The following ARHGEF28 variants were observed in gnomAD, a reference collection of about 807,000 sequenced individuals.
ARHGEF28 encodes 190 kDa guanine nucleotide exchange factor.
ARHGEF28 carries 152 observed loss-of-function variants against 206.6 expected under a neutral mutation model. The observed-to-expected ratio is 0.74, with a 90% CI of 0.64 to 0.84. The LOEUF (loss-of-function observed/expected upper bound fraction) is 0.84. Among genes scored for constraint, ARHGEF28 ranks in the 40% least tolerant of loss-of-function variants. The pLI is 0.00. For missense variants in ARHGEF28, 2,028 were observed against 2,073.2 expected, an observed-to-expected ratio of 0.98 and a Z score of 0.42; for synonymous variants, 763 against 776.4, an observed-to-expected ratio of 0.98 and a Z score of 0.29.
intron 3 of ARHGEF28, among the ~76,000 whole-genome samples, chr5:73,751,792 G>T (rs1479954890): frequency 6.6e-6 from 1 of 152,020 alleles, no homozygotes; most frequent in African/African-American, 2.4e-5. Context: ...AATTTCCCTG[G>T]TGACAGCTTT....
At chr5:73,780,566 C>A in intron 6 of ARHGEF28, 110 bp from the exon 7 acceptor site, 2 of 1,150,096 alleles carry the variant, frequency 1.7e-6, no homozygotes, top group Non-Finnish European at 2.4e-6. Context: ...TATTTCCCAA[C>A]CTCCTAGCTC....
intron 1 of ARHGEF28, among the ~76,000 whole-genome samples, chr5:73,668,752 A>T (rs1273645094): frequency 1.5e-5 from 1 of 66,306 alleles, no homozygotes; most frequent in Non-Finnish European, 3.2e-5. Flanking sequence ...ACTTCTGAGT[A>T]CTCTTACTTG....
chr5:73,735,522 A>G (rs1750867432), intron 2 of ARHGEF28, among the ~76,000 whole-genome samples: 4 of 152,238 alleles, frequency 2.6e-5, no homozygotes, highest in Non-Finnish European at 1.5e-5. Flanking sequence ...AGCCAGACCC[A>G]TGTTTTTCTA....
At chr5:73,889,496 C>T (rs552225005) in intron 26 of ARHGEF28, among the ~76,000 whole-genome samples, 1 of 152,342 alleles carries the variant, frequency 6.6e-6, no homozygotes, top group South Asian at 2.1e-4. Flanking sequence ...ATCTCTTGAA[C>T]ATCAAAGAAG....
In ARHGEF28 at chr5:73,828,819, T is replaced by A. The variant is rs538614818; in HGVS notation, c.1025-3519T>A. ...TTCCTTCCTTTCCTTCTTTTCCTTT[T>A]TCCTTTTTCTTCTTTGAGACAGGGT... On this transcript the variant is annotated intron_variant, in intron 9 of 35. Coordinates refer to ENST00000513042, the MANE Select transcript of ARHGEF28 (RefSeq NM_001177693.2). Among the ~76,000 whole-genome samples the A allele has an allele frequency of 3.3e-5, 5 of 152,142 alleles. No homozygotes were observed. The East Asian group carries it at 9.7e-4, about 29-fold the overall frequency.
At chr5:73,839,945 T>TAAA (rs1757882652) in intron 10 of ARHGEF28, among the ~76,000 whole-genome samples, 3 of 152,200 alleles carry the variant, frequency 2.0e-5, no homozygotes, top group Admixed American at 6.5e-5. Context: ...TTTAGTTTTC[T>TAAA]CCTCAAGTAT....
intron 2 of ARHGEF28, among the ~76,000 whole-genome samples, chr5:73,743,640 C>T (rs908320568): frequency 2.1e-4 from 32 of 151,082 alleles, no homozygotes; most frequent in Middle Eastern, 3.4e-3. Flanking sequence ...AAAAGTCAGA[C>T]GCTTTTAAAC....
intron 1 of ARHGEF28, among the ~76,000 whole-genome samples, chr5:73,655,758 G>A (rs938840637): frequency 6.6e-6 from 1 of 152,092 alleles, no homozygotes; most frequent in African/African-American, 2.4e-5. Flanking sequence ...TCTTAGTCTA[G>A]CCCTCTTCCT....
At chr5:73,723,901 T>C (rs768474504) in intron 2 of ARHGEF28, among the ~76,000 whole-genome samples, 1 of 152,212 alleles carries the variant, frequency 6.6e-6, no homozygotes, top group Non-Finnish European at 1.5e-5. Context: ...AAATCCACTC[T>C]CTGGAGTAGA....
intron 35 of ARHGEF28, among the ~76,000 whole-genome samples, chr5:73,922,598 A>T (rs1763578158): frequency 6.6e-6 from 1 of 152,170 alleles, no homozygotes; most frequent in African/African-American, 2.4e-5. Context: ...AGAGCTATTA[A>T]ACATTCTTAA....
At chr5:73,865,904 T>A (rs1759673773) in intron 17 of ARHGEF28, 61 bp from the exon 18 acceptor site, 1 of 1,188,480 alleles carries the variant, frequency 8.4e-7, no homozygotes, top group Non-Finnish European at 1.2e-6. Flanking sequence ...ACTATGTGGA[T>A]ATTCTTATAG....
intron 23 of ARHGEF28, among the ~76,000 whole-genome samples, chr5:73,883,026 C>T (rs905549773): frequency 1.3e-5 from 2 of 152,066 alleles, no homozygotes; most frequent in African/African-American, 2.4e-5. Flanking sequence ...AATAAAGTAA[C>T]AATAGTTTTT....
At chr5:73,641,709 G>T (rs1019769788) in intron 1 of ARHGEF28, among the ~76,000 whole-genome samples, 1 of 152,096 alleles carries the variant, frequency 6.6e-6, no homozygotes, top group African/African-American at 2.4e-5. Flanking sequence ...TGTATAAATG[G>T]AGCTTACGAG....
At chr5:73,776,293 A>G (rs1227364990) in intron 5 of ARHGEF28, among the ~76,000 whole-genome samples, 3 of 152,226 alleles carry the variant, frequency 2.0e-5, no homozygotes, top group African/African-American at 7.2e-5. Flanking sequence ...AGTATGTAGT[A>G]TATGTCAATG....
chr5:73,786,774 G>C (rs1336121377), intron 7 of ARHGEF28, among the ~76,000 whole-genome samples: 3 of 152,166 alleles, frequency 2.0e-5, no homozygotes, highest in Admixed American at 6.5e-5. Flanking sequence ...GAACATAGTG[G>C]ATGTTTACTG....
chr5:73,806,930 A>G (rs1315384930), intron 9 of ARHGEF28, among the ~76,000 whole-genome samples: 2 of 147,874 alleles, frequency 1.4e-5, no homozygotes, highest in Non-Finnish European at 3.0e-5. Context: ...TATATACAAT[A>G]TATAAATCTT....
At chr5:73,681,007 AATGCAT>A (rs1747056231) in intron 1 of ARHGEF28, among the ~76,000 whole-genome samples, 1 of 151,950 alleles carries the variant, frequency 6.6e-6, no homozygotes, top group African/African-American at 2.4e-5. Context: ...CTGGCCAAGG[AATGCAT>A]TTTAGTTTGC....
chr5:73,813,582 C>CA (rs1561422692), intron 9 of ARHGEF28: 1 of 1,535,426 alleles, frequency 6.5e-7, no homozygotes, highest in African/African-American at 1.4e-5. Flanking sequence ...TTCACCAAAA[C>CA]AAAAAGATGG....
rs80354471 is a variant in ARHGEF28 at position 73,934,398 on chromosome 5, C to T, written c.4949-6446C>T. Among the ~76,000 whole-genome samples, 491 of 152,224 alleles carry T rather than the reference C, an allele frequency of 3.2e-3. 2 individuals carry two copies. Among genetic ancestry groups the T allele is most frequent in the East Asian group, 0.02 (104 of 5,182 alleles). On this transcript the variant is annotated intron_variant, in intron 35 of 35. Transcript: ENST00000513042. ...GTGTTATTAAAATTGATCCTTGGGT[C>T]CAGATGTTGTCAGCTTGATCTGTTG...
Sources: allele counts gnomAD v4.1 joint callset (sites outside exome capture counted in the v4.1 genomes callset), GRCh38; gene constraint gnomAD v4.1.1; transcripts MANE v1.5; gene names NCBI Gene and HGNC (gene_info 2026-07-23, HGNC 2026-07-21).